Variants in CUL2 observed in about 807,000 individuals in gnomAD.
CUL2 encodes cullin-2.
In CUL2, 22 loss-of-function variants were observed where a neutral mutation model predicts 110.2. That is an observed-to-expected ratio of 0.20 (90% CI 0.14 to 0.28). The LOEUF is 0.28. Among genes scored for constraint, CUL2 ranks in the 10% least tolerant of loss-of-function variants. The probability of loss-of-function intolerance (pLI) is 1.00; values close to 1 mark genes in which losing one functional copy is unlikely to be tolerated. For missense variants in CUL2, 631 were observed against 905.5 expected, an observed-to-expected ratio of 0.70 and a Z score of 3.89; for synonymous variants, 279 against 293.2, an observed-to-expected ratio of 0.95 and a Z score of 0.49.
intron 1 of CUL2, among the ~76,000 whole-genome samples, chr10:35,103,545 G>C (rs182969344): frequency 6.6e-6 from 1 of 151,800 alleles, no homozygotes; most frequent in African/African-American, 2.4e-5. Flanking sequence ...GGATGGTCTC[G>C]ATCTCCTGAC....
At chr10:35,069,211 T>C (rs956102988) in intron 2 of CUL2, among the ~76,000 whole-genome samples, 20 of 151,312 alleles carry the variant, frequency 1.3e-4, no homozygotes, top group Non-Finnish European at 2.4e-4. Context: ...ATTTTGGGGG[T>C]GAGAGAAAAT....
At chr10:35,043,863 T>C (rs1165194409) in intron 8 of CUL2, among the ~76,000 whole-genome samples, 1 of 151,916 alleles carries the variant, frequency 6.6e-6, no homozygotes, top group Non-Finnish European at 1.5e-5. Context: ...GTTGAGGAGT[T>C]CTGAGACCAG....
intron 17 of CUL2, among the ~76,000 whole-genome samples, chr10:35,019,525 T>C (rs2085131085): frequency 6.6e-6 from 1 of 152,216 alleles, no homozygotes; most frequent in Non-Finnish European, 1.5e-5. Flanking sequence ...ATTTAATTAC[T>C]GTGGTGTAAA....
chr10:35,052,547 T>G (rs1017036952), intron 5 of CUL2, among the ~76,000 whole-genome samples: 6 of 152,256 alleles, frequency 3.9e-5, no homozygotes, highest in East Asian at 1.9e-4. Context: ...CAAAAATACT[T>G]AATGAATGAA....
intron 1 of CUL2, among the ~76,000 whole-genome samples, chr10:35,075,444 C>T (rs943139655): frequency 1.3e-5 from 2 of 152,162 alleles, no homozygotes; most frequent in African/African-American, 4.8e-5. Flanking sequence ...ATCTATCAGT[C>T]TTGTTCTTCA....
At chr10:35,103,470 G>T (rs551081618) in intron 1 of CUL2, among the ~76,000 whole-genome samples, 14 of 151,810 alleles carry the variant, frequency 9.2e-5, no homozygotes, top group African/African-American at 3.4e-4. Context: ...GACTACAGGC[G>T]CGCGCCACCA....
intron 1 of CUL2, among the ~76,000 whole-genome samples, chr10:35,083,086 G>A (rs2086979945): frequency 6.6e-6 from 1 of 150,848 alleles, no homozygotes; most frequent in Non-Finnish European, 1.5e-5. Flanking sequence ...GAACCCAGGA[G>A]GCAAAGGTTG....
At chr10:35,044,895 T>C in intron 6 of CUL2, 27 bp from the exon 7 acceptor site, 1 of 1,531,244 alleles carries the variant, frequency 6.5e-7, no homozygotes, top group Non-Finnish European at 9.0e-7. Context: ...CACAAAATAT[T>C]CTTGAGAATA....
chr10:35,103,312 TTTTTTTTTTTTTTTTTTTTTA>T (rs1589063222), intron 1 of CUL2, among the ~76,000 whole-genome samples: 1 of 98,588 alleles, frequency 1.0e-5, no homozygotes, highest in Admixed American at 1.0e-4. Context: ...AAGCTAATTT[TTTTTTTTTTTTTTTTTTTTTA>T]TTTTTTTTTG....
chr10:35,050,731 GA>G (rs1307516994), intron 5 of CUL2, among the ~76,000 whole-genome samples: 24 of 152,292 alleles, frequency 1.6e-4, no homozygotes, highest in Non-Finnish European at 3.4e-4. Flanking sequence ...CTCTACTGCT[GA>G]TGACTGCTGA....
At chr10:35,016,816 A>T (rs1356654895) in intron 17 of CUL2, among the ~76,000 whole-genome samples, 1 of 151,484 alleles carries the variant, frequency 6.6e-6, no homozygotes, top group East Asian at 1.9e-4. Flanking sequence ...AATCCTAGCC[A>T]CTTGGGAGGC....
At chr10:35,032,519 T>G (rs760591711) in intron 11 of CUL2, 25 bp from the exon 12 acceptor site, 34 of 1,562,028 alleles carry the variant, frequency 2.2e-5, no homozygotes, top group Non-Finnish European at 2.9e-5. Flanking sequence ...ACGCCATAAT[T>G]AACCACCAGC....
At chr10:35,035,106 T>C in intron 10 of CUL2, 66 bp downstream of exon 10, 1 of 1,571,354 alleles carries the variant, frequency 6.4e-7, no homozygotes, top group African/African-American at 1.3e-5. Flanking sequence ...AACAATAAAG[T>C]CAAAGGAAAG....
chr10:35,038,732 A>C (rs1228917355), intron 9 of CUL2, among the ~76,000 whole-genome samples, 188 bp downstream of exon 9: 2 of 151,926 alleles, frequency 1.3e-5, no homozygotes, highest in Non-Finnish European at 2.9e-5. Context: ...TTTTCTTCTG[A>C]TTTTAGAACA....
chr10:35,030,828 G>A lies in CUL2; in HGVS notation c.1386+472C>T, dbSNP rs2085464102. On this transcript the variant is annotated intron_variant, in intron 14 of 20. Coordinates refer to ENST00000374749, the MANE Select transcript of CUL2 (RefSeq NM_003591.4). ...GGATCGCTTGAGCCCAGGAGTTAGA[G>A]TCCAGCCTGGGCAACATAGTGAGAC... Among the ~76,000 whole-genome samples, 3 of 121,774 alleles carry A rather than the reference G, an allele frequency of 2.5e-5. No homozygotes were observed. The Admixed American group carries it at 2.7e-4, about 11-fold the overall frequency. 79.9% of individuals were successfully genotyped at this position (121,774 alleles called of 152,430 possible). A position where few individuals can be genotyped will look rare whatever the true frequency, so the allele number is the denominator to read the frequency against.
chr10:35,072,892 C>CA (rs895416202), intron 1 of CUL2, among the ~76,000 whole-genome samples: 1 of 152,040 alleles, frequency 6.6e-6, no homozygotes, highest in African/African-American at 2.4e-5. Context: ...TAGCCAAGGC[C>CA]AAAAAAGGAT....
chr10:35,066,449 C>T (rs941597792), intron 2 of CUL2, among the ~76,000 whole-genome samples: 1 of 148,760 alleles, frequency 6.7e-6, no homozygotes, highest in Non-Finnish European at 1.5e-5. Context: ...AGTTGAGCGC[C>T]ACCATGCCTG....
At chr10:35,103,315 TTTTTTTTTTTTTTTTTTA>T (rs1407032970) in intron 1 of CUL2, among the ~76,000 whole-genome samples, 5 of 108,910 alleles carry the variant, frequency 4.6e-5, no homozygotes, top group South Asian at 3.0e-4. Flanking sequence ...CTAATTTTTT[TTTTTTTTTTTTTTTTTTA>T]TTTTTTTTTG....
chr10:35,031,196 C>G lies in CUL2; in HGVS notation c.1386+104G>C. 1.4e-6 allele frequency: 1 copy of G among 697,114 alleles called. No individual in the cohort carries two copies. The highest frequency in any genetic ancestry group is 1.8e-5 in the African/African-American group (1 of 56,288). The allele number at this position is 697,114 out of a possible 1,614,324, so 43.2% of individuals were successfully genotyped here. On this transcript the variant is annotated intron_variant, in intron 14 of 20. Coordinates refer to ENST00000374749, the MANE Select transcript of CUL2 (RefSeq NM_003591.4). The surrounding 1 kb of genome is among the most constrained non-coding windows in gnomAD (Gnocchi z 4.4). ...TGTGACTACACAAATACACATTTAA[C>G]CAGATGAATTGTTTCCTGTTACTGT...
Sources: allele counts gnomAD v4.1 joint callset (sites outside exome capture counted in the v4.1 genomes callset), GRCh38; gene constraint gnomAD v4.1.1; non-coding constraint Gnocchi (gnomAD v3.1); transcripts MANE v1.5; gene names NCBI Gene and HGNC (gene_info 2026-07-23, HGNC 2026-07-21).